Variants in ZBTB20 observed in about 807,000 individuals in gnomAD.
ZBTB20 encodes the protein zinc finger and BTB domain containing 20.
ZBTB20 carries 9 observed loss-of-function variants against 56.9 expected under a neutral mutation model. That is an observed-to-expected ratio of 0.16 (90% CI 0.10 to 0.28). The LOEUF is 0.28. Among genes scored for constraint, ZBTB20 ranks in the 10% least tolerant of loss-of-function variants. ZBTB20 has a pLI of 1.00. For synonymous variants in ZBTB20, 417 were observed against 420.7 expected, an observed-to-expected ratio of 0.99 and a Z score of 0.11; for missense variants, 655 against 1,003.0, an observed-to-expected ratio of 0.65 and a Z score of 4.69.
At chr3:114,900,155 C>T (rs1187626904) in intron 4 of ZBTB20, 149 bp downstream of exon 4, 1 of 152,006 alleles carries the variant, frequency 6.6e-6, no homozygotes, top group African/African-American at 2.4e-5. Flanking sequence ...ATAAAATGTA[C>T]TATCCTTTGA....
rs16823209 is a variant in ZBTB20 at position 114,762,158 on chromosome 3, C to T, written c.-343+38943G>A. Among the ~76,000 whole-genome samples, 1,510 of 152,280 alleles carry T rather than the reference C, an allele frequency of 9.9e-3. 83 individuals carry two copies. Among genetic ancestry groups the T allele is most frequent in the Admixed American group, 0.089 (1,363 of 15,286 alleles). ...ACAGACAAAATAGAGATAGATGACA[C>T]AGGAACTCACCAGTTAATAATAGAA... On this transcript the variant is annotated intron_variant, in intron 5 of 11. Transcript: ENST00000675478.
At chr3:115,095,234 A>T (rs563570421) in intron 1 of ZBTB20, among the ~76,000 whole-genome samples, 2 of 152,174 alleles carry the variant, frequency 1.3e-5, no homozygotes, top group Admixed American at 6.5e-5. Context: ...AGATGAATCA[A>T]TGAACTCATA....
rs147764480 is a variant in ZBTB20, at chr3:115,109,047, A to G, written c.-702-37633T>C. ...AATAAATGCTAAATCAATGGATTAC[A>G]AAATATAAAAATGTTATTTGTAATA... On this transcript the variant is annotated intron_variant, in intron 1 of 11. Transcript: ENST00000675478. 1.7e-4 allele frequency among the ~76,000 whole-genome samples: 26 copies of G among 152,302 alleles called. No individual in the cohort carries two copies. The East Asian group carries it at 5.0e-3, about 29-fold the overall frequency.
intron 2 of ZBTB20, among the ~76,000 whole-genome samples, chr3:115,003,137 G>T (rs190538556): frequency 2.6e-5 from 4 of 151,694 alleles, no homozygotes. Flanking sequence ...AGATGCCAGG[G>T]TTTGGAAATG....
intron 4 of ZBTB20, among the ~76,000 whole-genome samples, chr3:114,888,468 T>C (rs1466834054): frequency 6.6e-6 from 1 of 152,164 alleles, no homozygotes; most frequent in Non-Finnish European, 1.5e-5. Flanking sequence ...CTTACAATGA[T>C]ATATGATCAA....
At chr3:114,725,798 G>A (rs1054036802) in intron 5 of ZBTB20, among the ~76,000 whole-genome samples, 8 of 152,202 alleles carry the variant, frequency 5.3e-5, no homozygotes, top group African/African-American at 1.9e-4. Context: ...GAGCTGGGGA[G>A]AAAATAAGGC....
chr3:114,618,796 A>C (rs2058112650), intron 6 of ZBTB20, among the ~76,000 whole-genome samples: 1 of 152,154 alleles, frequency 6.6e-6, no homozygotes, highest in Non-Finnish European at 1.5e-5. Flanking sequence ...TTTTCAATTC[A>C]CTATTGAAAG....
intron 2 of ZBTB20, among the ~76,000 whole-genome samples, chr3:115,030,425 CT>C (rs1376739633): frequency 1.3e-5 from 2 of 151,194 alleles, no homozygotes; most frequent in African/African-American, 4.8e-5. Context: ...TACTCCACCC[CT>C]ATGATTAAAG....
chr3:114,393,817 AC>A lies in ZBTB20; in HGVS notation c.-254-4713del, dbSNP rs1162918694. Among the ~76,000 whole-genome samples the A allele has an allele frequency of 1.3e-4, 20 of 152,156 alleles. 1 individual carries two copies. The highest frequency in any genetic ancestry group is 2.4e-4 in the Non-Finnish European group (16 of 68,008). On this transcript the variant is annotated intron_variant, in intron 7 of 11. Transcript: ENST00000675478. ...CTGTAATAAAGAATCTGCTCTTGGA[AC>A]CCAGCTGGCAAGTTTCTTGATGGTG...
intron 4 of ZBTB20, among the ~76,000 whole-genome samples, chr3:114,823,766 C>T (rs568741123): frequency 3.3e-5 from 5 of 151,912 alleles, no homozygotes; most frequent in South Asian, 2.1e-4. Context: ...TTTTATTTTA[C>T]GCAACTTGTG....
intron 7 of ZBTB20, among the ~76,000 whole-genome samples, chr3:114,420,425 T>C (rs896061720): frequency 3.3e-5 from 5 of 152,172 alleles, no homozygotes; most frequent in Non-Finnish European, 7.4e-5. Flanking sequence ...GTTGGAATTA[T>C]GTTCCAGTGC....
chr3:114,477,489 C>CTTTTTTTTTTTTTT, intron 7 of ZBTB20, among the ~76,000 whole-genome samples: 1 of 109,266 alleles, frequency 9.2e-6, no homozygotes, highest in African/African-American at 3.9e-5. Context: ...GTTCCCTGCA[C>CTTTTTTTTTTTTTT]TTTTTTTTTT....
chr3:114,532,817 G>A (rs2048014043), intron 6 of ZBTB20, among the ~76,000 whole-genome samples: 1 of 152,186 alleles, frequency 6.6e-6, no homozygotes, highest in South Asian at 2.1e-4. Flanking sequence ...TTGCTGTTCT[G>A]TAGCCTCTGC....
intron 4 of ZBTB20, among the ~76,000 whole-genome samples, chr3:114,876,947 T>C (rs1254835198): frequency 1.3e-5 from 2 of 152,216 alleles, no homozygotes; most frequent in African/African-American, 4.8e-5. Context: ...CTGATACCTT[T>C]AGTAGATTAG....
At chr3:114,512,697 TAA>T (rs2045550793) in intron 6 of ZBTB20, among the ~76,000 whole-genome samples, 1 of 152,174 alleles carries the variant, frequency 6.6e-6, no homozygotes, top group African/African-American at 2.4e-5. Flanking sequence ...CATGAAAATA[TAA>T]AAGTCTACCC....
At chr3:115,041,352 T>C (rs2081134856) in intron 2 of ZBTB20, among the ~76,000 whole-genome samples, 1 of 152,162 alleles carries the variant, frequency 6.6e-6, no homozygotes, top group African/African-American at 2.4e-5. Flanking sequence ...GTTTATATGG[T>C]ACAGTTAATA....
chr3:115,110,939 G>A (rs1302015418), intron 1 of ZBTB20, among the ~76,000 whole-genome samples: 3 of 151,712 alleles, frequency 2.0e-5, no homozygotes, highest in South Asian at 2.1e-4. Context: ...GCAGTGAGCC[G>A]AGCTTGCGCC....
chr3:115,065,991 A>G (rs1352304490), intron 2 of ZBTB20, among the ~76,000 whole-genome samples: 1 of 152,148 alleles, frequency 6.6e-6, no homozygotes, highest in Non-Finnish European at 1.5e-5. Flanking sequence ...AATGTCTCCA[A>G]GAATAAATAT....
chr3:114,462,169 A>T lies in ZBTB20; in HGVS notation c.-255+38183T>A, dbSNP rs543214057. On this transcript the variant is annotated intron_variant, in intron 7 of 11. Coordinates refer to ENST00000675478, the MANE Select transcript of ZBTB20 (RefSeq NM_001348800.3). ...CAATTTGGATTGCAAGTATCCTAGG[A>T]CCACATTGTTGGTGATATTGCCTTG... is the stretch of plus-strand genomic sequence containing the variant. Among the ~76,000 whole-genome samples, 10 of 152,322 alleles carry T rather than the reference A, an allele frequency of 6.6e-5. No individual in the cohort carries two copies. The South Asian group carries it at 1.9e-3, about 28-fold the overall frequency.
Sources: allele counts gnomAD v4.1 joint callset (sites outside exome capture counted in the v4.1 genomes callset), GRCh38; gene constraint gnomAD v4.1.1; transcripts MANE v1.5; gene names NCBI Gene and HGNC (gene_info 2026-07-23, HGNC 2026-07-21).